The following CTNND2 variants were observed in gnomAD, a reference collection of about 807,000 sequenced individuals.
The protein encoded by CTNND2 is catenin delta-2.
A neutral mutation model predicts 144.4 loss-of-function variants in CTNND2; 22 were observed. That is an observed-to-expected ratio of 0.15 (90% CI 0.11 to 0.22). The LOEUF (loss-of-function observed/expected upper bound fraction) is 0.22. CTNND2 is among the 10% of genes least tolerant of loss of function. The probability of loss-of-function intolerance (pLI) is 1.00; values close to 1 mark genes in which losing one functional copy is unlikely to be tolerated. For missense variants in CTNND2, 1,353 were observed against 1,618.8 expected, an observed-to-expected ratio of 0.84 and a Z score of 2.82; for synonymous variants, 751 against 695.6, an observed-to-expected ratio of 1.08 and a Z score of -1.25.
At chr5:11,182,601 C>G (rs1244677414) in intron 11 of CTNND2, among the ~76,000 whole-genome samples, 1 of 152,086 alleles carries the variant, frequency 6.6e-6, no homozygotes, top group African/African-American at 2.4e-5. Flanking sequence ...ACTTCCCACC[C>G]GCAACTCTTA....
chr5:11,777,812 A>C (rs902514521), intron 1 of CTNND2, among the ~76,000 whole-genome samples: 3 of 152,160 alleles, frequency 2.0e-5, no homozygotes, highest in Non-Finnish European at 4.4e-5. Flanking sequence ...GGCTCTCTAA[A>C]TAACCTTAGG....
intron 1 of CTNND2, among the ~76,000 whole-genome samples, chr5:11,855,038 A>G (rs918450294): frequency 9.2e-5 from 14 of 152,224 alleles, no homozygotes; most frequent in Non-Finnish European, 2.1e-4. Flanking sequence ...GCACTCACAG[A>G]CCAAAATAAA....
Position 11,384,488 on chromosome 5 carries a change from A to C in CTNND2, c.1177+177T>G. On this transcript the variant is annotated intron_variant, in intron 7 of 21. Transcript: ENST00000304623. The surrounding 1 kb of genome is among the most constrained non-coding windows in gnomAD (Gnocchi z 5.2). Reference sequence around the variant, plus strand: ...TTACTCCGGAAAAGAAGTCACTGACAAACTGTAGGGAAGATACTGACTTGT... The same window carrying C: ...TTACTCCGGAAAAGAAGTCACTGACCAACTGTAGGGAAGATACTGACTTGT... The C allele has an allele frequency of 1.7e-6, 1 of 604,762 alleles. No homozygotes were observed. The allele number at this position is 604,762 out of a possible 1,614,324, so 37.5% of individuals were successfully genotyped here.
At chr5:11,557,545 T>C (rs929070734) in intron 3 of CTNND2, among the ~76,000 whole-genome samples, 7 of 152,160 alleles carry the variant, frequency 4.6e-5, no homozygotes, top group African/African-American at 1.7e-4. Context: ...ATAATTTATC[T>C]TGTGTCAAAA....
intron 2 of CTNND2, among the ~76,000 whole-genome samples, chr5:11,596,863 C>A (rs771725937): frequency 6.6e-6 from 1 of 152,184 alleles, no homozygotes; most frequent in Middle Eastern, 3.4e-3. Context: ...GTTTGCTTAT[C>A]GGCATTTTTT....
chr5:11,501,844 T>C (rs1442268514), intron 3 of CTNND2, among the ~76,000 whole-genome samples: 5 of 151,464 alleles, frequency 3.3e-5, no homozygotes, highest in Non-Finnish European at 5.9e-5. Context: ...CCGGCTAACA[T>C]GGTGAAATCC....
chr5:11,280,894 T>C (rs1001155984), intron 9 of CTNND2, among the ~76,000 whole-genome samples: 14 of 152,132 alleles, frequency 9.2e-5, no homozygotes, highest in African/African-American at 3.4e-4. Flanking sequence ...TTCAACTCCC[T>C]GGATCAAGGA....
chr5:11,255,810 G>A (rs1435630702), intron 9 of CTNND2, among the ~76,000 whole-genome samples: 1 of 152,122 alleles, frequency 6.6e-6, no homozygotes, highest in Non-Finnish European at 1.5e-5. Flanking sequence ...CCCATTGCTG[G>A]AGCCATGGCC....
chr5:11,797,361 A>T (rs956605357), intron 1 of CTNND2, among the ~76,000 whole-genome samples: 2 of 152,172 alleles, frequency 1.3e-5, no homozygotes, highest in Non-Finnish European at 2.9e-5. Flanking sequence ...CCCAGCCAGG[A>T]CTTCCAAAAT....
chr5:11,277,218 T>C (rs951992970), intron 9 of CTNND2, among the ~76,000 whole-genome samples: 10 of 152,094 alleles, frequency 6.6e-5, no homozygotes, highest in African/African-American at 2.4e-4. Context: ...TACAACTCAA[T>C]AGAAGTTTTG....
At chr5:11,156,828 G>A (rs1758261655) in intron 12 of CTNND2, among the ~76,000 whole-genome samples, 1 of 152,140 alleles carries the variant, frequency 6.6e-6, no homozygotes, top group Non-Finnish European at 1.5e-5. Flanking sequence ...AAGAAAGAAG[G>A]GAGAGGGAGA....
chr5:11,487,795 C>T (rs939844699), intron 3 of CTNND2, among the ~76,000 whole-genome samples: 5 of 152,276 alleles, frequency 3.3e-5, no homozygotes, highest in African/African-American at 1.2e-4. Context: ...CAACTCCATG[C>T]GACCTCATGT....
chr5:11,142,405 A>G (rs1407448929), intron 12 of CTNND2, among the ~76,000 whole-genome samples: 27 of 152,136 alleles, frequency 1.8e-4, no homozygotes, highest in Non-Finnish European at 5.9e-5. Context: ...TTCAAGCAAG[A>G]GAGTGTGAAG....
At chr5:11,474,157 C>A (rs1413924725) in intron 3 of CTNND2, among the ~76,000 whole-genome samples, 2 of 152,010 alleles carry the variant, frequency 1.3e-5, no homozygotes, top group East Asian at 3.9e-4. Flanking sequence ...TGCATTCCAC[C>A]CATGTGAGAT....
chr5:11,635,834 T>C (rs1427323136), intron 2 of CTNND2, among the ~76,000 whole-genome samples: 1 of 152,112 alleles, frequency 6.6e-6, no homozygotes, highest in Non-Finnish European at 1.5e-5. Context: ...CGGGTTCTAC[T>C]AGCAGATCAG....
intron 3 of CTNND2, among the ~76,000 whole-genome samples, chr5:11,499,912 C>A (rs755639609): frequency 2.0e-5 from 3 of 151,920 alleles, no homozygotes; most frequent in Non-Finnish European, 4.4e-5. Context: ...CAATTACTTC[C>A]CTGTACTTTC....
intron 3 of CTNND2, among the ~76,000 whole-genome samples, chr5:11,475,231 A>G (rs374528784): frequency 2.5e-3 from 379 of 152,378 alleles, no homozygotes; most frequent in African/African-American, 8.8e-3. Context: ...GTATTTGGCC[A>G]GCAAGATCGA....
chr5:11,437,106 G>A (rs1287067445), intron 3 of CTNND2, among the ~76,000 whole-genome samples: 2 of 151,982 alleles, frequency 1.3e-5, no homozygotes, highest in African/African-American at 4.8e-5. Context: ...GTCACTCAAG[G>A]GTAAAATTTA....
intron 3 of CTNND2, among the ~76,000 whole-genome samples, chr5:11,414,495 T>C (rs1761778654): frequency 6.6e-6 from 1 of 152,196 alleles, no homozygotes; most frequent in African/African-American, 2.4e-5. Flanking sequence ...CTCTTCTTTA[T>C]AGATGGGGAA....
Sources: allele counts gnomAD v4.1 joint callset (sites outside exome capture counted in the v4.1 genomes callset), GRCh38; gene constraint gnomAD v4.1.1; non-coding constraint Gnocchi (gnomAD v3.1); transcripts MANE v1.5; gene names NCBI Gene and HGNC (gene_info 2026-07-23, HGNC 2026-07-21).